KCNQ3: variants seen among roughly 807,000 people sequenced by gnomAD.
KCNQ3 encodes potassium voltage-gated channel subfamily Q member 3.
A neutral mutation model predicts 92.5 loss-of-function variants in KCNQ3; 30 were observed. The ratio of observed to expected loss-of-function variants is 0.32; its 90% CI spans 0.24 to 0.44. The LOEUF (loss-of-function observed/expected upper bound fraction) is 0.44. KCNQ3 is among the 20% of genes least tolerant of loss of function. KCNQ3 has a pLI of 1.00. For missense variants in KCNQ3, 913 were observed against 1,140.3 expected, an observed-to-expected ratio of 0.80 and a Z score of 2.87; for synonymous variants, 450 against 468.8, an observed-to-expected ratio of 0.96 and a Z score of 0.52.
intron 1 of KCNQ3, among the ~76,000 whole-genome samples, chr8:132,206,554 A>G (rs1013405651): frequency 2.0e-5 from 3 of 152,226 alleles, no homozygotes; most frequent in African/African-American, 4.8e-5. Flanking sequence ...CACTGTTACA[A>G]TGTGATAGTC....
intron 1 of KCNQ3, among the ~76,000 whole-genome samples, chr8:132,300,758 T>C (rs1469780267): frequency 1.3e-5 from 2 of 152,172 alleles, no homozygotes; most frequent in East Asian, 1.9e-4. Context: ...GTCCTGGCCA[T>C]ATAAAGGGAC....
At chr8:132,291,413 T>C (rs1030672043) in intron 1 of KCNQ3, among the ~76,000 whole-genome samples, 15 of 152,188 alleles carry the variant, frequency 9.9e-5, no homozygotes, top group African/African-American at 3.1e-4. Context: ...CTTATTATTG[T>C]TGTTGTTCTC....
At chr8:132,284,913 G>A (rs1298678954) in intron 1 of KCNQ3, among the ~76,000 whole-genome samples, 2 of 152,164 alleles carry the variant, frequency 1.3e-5, no homozygotes, top group Non-Finnish European at 2.9e-5. Context: ...TGCTCTCTTT[G>A]CATGCACTTG....
intron 1 of KCNQ3, among the ~76,000 whole-genome samples, chr8:132,354,581 CT>C (rs1818965361): frequency 6.6e-6 from 1 of 152,230 alleles, no homozygotes; most frequent in Non-Finnish European, 1.5e-5. Context: ...ACCCTCTCCC[CT>C]GAACAATGCT....
At chr8:132,216,330 A>G (rs1383099688) in intron 1 of KCNQ3, among the ~76,000 whole-genome samples, 1 of 152,254 alleles carries the variant, frequency 6.6e-6, no homozygotes, top group Non-Finnish European at 1.5e-5. Flanking sequence ...GAGGGACATC[A>G]GAGAGAAAGT....
chr8:132,294,781 C>T (rs1351794092), intron 1 of KCNQ3, among the ~76,000 whole-genome samples: 1 of 152,250 alleles, frequency 6.6e-6, no homozygotes, highest in East Asian at 1.9e-4. Context: ...GAGCAACTAT[C>T]CTAGGTCAAG....
chr8:132,258,820 A>G (rs1815679002), intron 1 of KCNQ3, among the ~76,000 whole-genome samples: 1 of 152,066 alleles, frequency 6.6e-6, no homozygotes, highest in Non-Finnish European at 1.5e-5. Flanking sequence ...GAAATAGAGA[A>G]CATTACTAGT....
rs183138437 is a variant in KCNQ3 at position 132,122,101 on chromosome 8, G to C, written c.*7161C>G. On this transcript the variant is annotated 3_prime_UTR_variant, in exon 15 of 15. Transcript: ENST00000388996. ...CTAGGGCCTGATTTGAGAGGAAGAA[G>C]GGGGAGAGAGAATGAGCTTTCCAGG... is the stretch of plus-strand genomic sequence containing the variant. 1 of 152,246 alleles carries C rather than the reference G, an allele frequency of 6.6e-6. No homozygotes were observed. Among genetic ancestry groups the C allele is most frequent in the East Asian group, 1.9e-4 (1 of 5,206 alleles). 9.4% of individuals were successfully genotyped at this position (152,246 alleles called of 1,614,324 possible).
intron 1 of KCNQ3, among the ~76,000 whole-genome samples, chr8:132,349,380 C>T (rs1010296252): frequency 7.9e-5 from 12 of 152,160 alleles, no homozygotes; most frequent in East Asian, 1.9e-4. Context: ...ATGAGAGATA[C>T]GCTGCATTTT....
intron 1 of KCNQ3, among the ~76,000 whole-genome samples, chr8:132,436,275 T>G (rs1216701032): frequency 6.6e-6 from 1 of 152,216 alleles, no homozygotes; most frequent in African/African-American, 2.4e-5. Context: ...TGAAACACTA[T>G]AAGAGAGTTA....
intron 1 of KCNQ3, among the ~76,000 whole-genome samples, chr8:132,345,083 A>G (rs1818645827): frequency 6.6e-6 from 1 of 152,152 alleles, no homozygotes; most frequent in Non-Finnish European, 1.5e-5. Context: ...TAACTTGCTG[A>G]GGGATTTTAA....
At chr8:132,400,940 A>C (rs1820315721) in intron 1 of KCNQ3, among the ~76,000 whole-genome samples, 1 of 152,214 alleles carries the variant, frequency 6.6e-6, no homozygotes, top group Admixed American at 6.5e-5. Flanking sequence ...CAGGCCCCTG[A>C]CATGATCTCA....
chr8:132,196,819 C>T (rs1586821164), intron 1 of KCNQ3, among the ~76,000 whole-genome samples: 3 of 152,278 alleles, frequency 2.0e-5, no homozygotes, highest in South Asian at 2.1e-4. Flanking sequence ...GATTTCAGAC[C>T]TCAGCTTTGC....
At chr8:132,176,795 T>A (rs1826571361) in intron 4 of KCNQ3, among the ~76,000 whole-genome samples, 4 of 152,244 alleles carry the variant, frequency 2.6e-5, no homozygotes, top group Admixed American at 2.6e-4. Context: ...CTGTGGTTCC[T>A]TTATTCCCTC....
intron 1 of KCNQ3, among the ~76,000 whole-genome samples, chr8:132,353,811 C>T (rs2130709347): frequency 6.6e-6 from 1 of 152,138 alleles, no homozygotes; most frequent in East Asian, 1.9e-4. Context: ...GAGATTCTGC[C>T]TCAAAACAAA....
At chr8:132,430,665 CAGG>C (rs1821225565) in intron 1 of KCNQ3, among the ~76,000 whole-genome samples, 1 of 152,198 alleles carries the variant, frequency 6.6e-6, no homozygotes, top group Admixed American at 6.5e-5. Context: ...CGGTCATCAC[CAGG>C]AGTTCCTCCC....
rs1042186461 is a variant in KCNQ3, at chr8:132,141,175, G to T, written c.1419C>A (p.Arg473=). Reference sequence around the variant, plus strand: ...CGTAGGCTTTCATGCGGAAGGCCGTGCGGAAACGCTCTTTATTGTTTAAGC... The same window carrying T: ...CGTAGGCTTTCATGCGGAAGGCCGTTCGGAAACGCTCTTTATTGTTTAAGC... The part of the protein sequence containing the change: ...PVGLNNKERF[R]TAFRMKAYAF... The change falls in exon 10 of 15, where the codon CGC becomes CGA. Residue 473 remains arginine, a synonymous_variant. Transcript: ENST00000388996. 6.2e-7 allele frequency: 1 copy of T among 1,614,184 alleles called. No homozygotes were observed. The highest frequency in any genetic ancestry group is 8.5e-7 in the Non-Finnish European group (1 of 1,180,026).
At chr8:132,191,522 CTA>C (rs1057493694) in intron 1 of KCNQ3, among the ~76,000 whole-genome samples, 4 of 148,596 alleles carry the variant, frequency 2.7e-5, no homozygotes, top group Admixed American at 6.8e-5. Context: ...ATCTCTCTCT[CTA>C]TATATATATA....
chr8:132,414,905 T>C (rs888171948), intron 1 of KCNQ3, among the ~76,000 whole-genome samples: 33 of 152,198 alleles, frequency 2.2e-4, no homozygotes, highest in African/African-American at 7.0e-4. Flanking sequence ...AGGAACAGTG[T>C]GTCCGGCAGA....
Sources: allele counts gnomAD v4.1 joint callset (sites outside exome capture counted in the v4.1 genomes callset), GRCh38; gene constraint gnomAD v4.1.1; transcripts MANE v1.5; gene names NCBI Gene and HGNC (gene_info 2026-07-23, HGNC 2026-07-21).